MED12L: variants seen among roughly 807,000 people sequenced by gnomAD.
MED12L encodes mediator of RNA polymerase II transcription subunit 12-like protein.
Under a neutral mutation model 281.3 loss-of-function variants are expected in MED12L, and 60 were observed. The observed-to-expected ratio is 0.21, with a 90% CI of 0.17 to 0.26. The LOEUF (loss-of-function observed/expected upper bound fraction) is 0.26, where lower values mean the gene tolerates loss of function less well. Ranked by LOEUF, MED12L falls within the 10% of genes least tolerant of loss-of-function variation. The pLI is 1.00. For synonymous variants in MED12L, 974 were observed against 987.2 expected (o/e 0.99, Z 0.25); for missense variants, 2,146 against 2,680.9 (o/e 0.80, Z 4.41).
intron 16 of MED12L, among the ~76,000 whole-genome samples, chr3:151,257,214 T>G (rs1358919412): frequency 2.6e-5 from 4 of 152,268 alleles, no homozygotes; most frequent in African/African-American, 9.6e-5. Flanking sequence ...TCTGTACCAC[T>G]TATTCTTCAG....
Position 151,122,842 on chromosome 3 carries a change from C to G in MED12L, c.264C>G (p.Asp88Glu), listed in dbSNP as rs202153014. 6.2e-6 allele frequency: 10 copies of G among 1,611,936 alleles called. No homozygotes were observed. The highest frequency in any genetic ancestry group is 1.1e-5 in the South Asian group (1 of 90,634). Residue 88 changes from aspartate to glutamate, a missense_variant, in exon 4 of 45, where the codon GAC (aspartate) becomes GAG (glutamate). Physicochemically the swap from Asp to Glu is conservative, Grantham distance 45. Coordinates refer to ENST00000687756, the MANE Select transcript of MED12L (RefSeq NM_001393769.1). ...AACTGAAGCTTAACACTTTCCAGGA[C>G]ACGGGAAAGAAGAAACCACAAGTTA... Reference protein sequence around the residue: ...AEKLKLNTFQDTGKKKPQVNA... With the variant: ...AEKLKLNTFQETGKKKPQVNA...
intron 5 of MED12L, among the ~76,000 whole-genome samples, chr3:151,144,480 A>G (rs1717497346): frequency 6.6e-6 from 1 of 151,822 alleles, no homozygotes; most frequent in Non-Finnish European, 1.5e-5. Context: ...CTCTTGTCAG[A>G]CCCTCCCTTG....
At chr3:151,294,497 T>C in intron 16 of MED12L, 1 of 1,614,226 alleles carries the variant, frequency 6.2e-7, no homozygotes, top group Non-Finnish European at 8.5e-7. Context: ...GCTCTGGTTA[T>C]GTTTTCGCTT....
intron 32 of MED12L, among the ~76,000 whole-genome samples, chr3:151,381,402 GA>G: frequency 6.6e-6 from 1 of 152,306 alleles, no homozygotes; most frequent in East Asian, 1.9e-4. Context: ...GATAAGGCCA[GA>G]CATGATTTGA....
At chr3:151,145,393 A>G (rs576689396) in intron 5 of MED12L, among the ~76,000 whole-genome samples, 2 of 152,312 alleles carry the variant, frequency 1.3e-5, no homozygotes, top group African/African-American at 4.8e-5. Context: ...TGCATCCCAC[A>G]TATGGTAATG....
chr3:151,214,298 T>TGGAG, intron 16 of MED12L: 1 of 1,613,464 alleles, frequency 6.2e-7, no homozygotes. Context: ...GGAGGCTGTG[T>TGGAG]GGAGGTTGAA....
intron 16 of MED12L, among the ~76,000 whole-genome samples, chr3:151,287,139 TC>T (rs1000711807): frequency 2.0e-5 from 3 of 152,224 alleles, no homozygotes; most frequent in African/African-American, 7.2e-5. Context: ...AAATAATCAG[TC>T]AATGTTAAAA....
Position 151,434,366 on chromosome 3 carries a change from C to T in MED12L, c.*1562C>T, listed in dbSNP as rs1719858838. 1 of 152,170 alleles carries T rather than the reference C, an allele frequency of 6.6e-6. No individual in the cohort carries two copies. Among genetic ancestry groups the T allele is most frequent in the African/African-American group, 2.4e-5 (1 of 41,430 alleles). The allele number at this position is 152,170 out of a possible 1,614,324, so 9.4% of individuals were successfully genotyped here. A position where few individuals can be genotyped will look rare whatever the true frequency, so the allele number is the denominator to read the frequency against. ...ATGACCTCAAATACATGTCAGCTTA[C>T]TTTGCTGTGGCAACATCCATGTGAA... On this transcript the variant is annotated 3_prime_UTR_variant, in exon 45 of 45. Transcript: ENST00000687756.
rs61745350 is a variant in MED12L at position 151,192,644 on chromosome 3, C to A, written c.2063C>A (p.Ser688Ter). Reference sequence around the variant, plus strand: ...AGTGACTTTAAAACTGACTTTGGTTCGGAATTTCCAGTAGGTTCAATCTTT... The same window carrying A: ...AGTGACTTTAAAACTGACTTTGGTTAGGAATTTCCAGTAGGTTCAATCTTT... ...DKSDFKTDFG[S>*]EFPIFSPMPG... Residue 688 changes from serine to a stop codon, truncating the protein, a stop_gained, in exon 15 of 45, where the codon TCG (serine) becomes TAG (stop). Transcript: ENST00000687756. LOFTEE classifies it high-confidence loss of function. 3 of 1,532,234 alleles carry A rather than the reference C, an allele frequency of 2.0e-6. No homozygotes were observed. The highest frequency in any genetic ancestry group is 2.0e-5 in the Admixed American group (1 of 50,976). The allele number at this position is 1,532,234 out of a possible 1,614,324, so 94.9% of individuals were successfully genotyped here. A position where few individuals can be genotyped will look rare whatever the true frequency, so the allele number is the denominator to read the frequency against.
intron 16 of MED12L, among the ~76,000 whole-genome samples, chr3:151,320,175 A>C (rs540253906): frequency 6.6e-6 from 1 of 152,320 alleles, no homozygotes; most frequent in South Asian, 2.1e-4. Flanking sequence ...TGGTAGGCAT[A>C]GTATTTGTGT....
chr3:151,157,370 C>T (rs1031283601), intron 6 of MED12L, among the ~76,000 whole-genome samples: 3 of 151,882 alleles, frequency 2.0e-5, no homozygotes, highest in Non-Finnish European at 2.9e-5. Context: ...AATTCATACA[C>T]GTGAAGACAT....
At chr3:151,340,053 G>A (rs1751612351) in intron 16 of MED12L, among the ~76,000 whole-genome samples, 1 of 152,046 alleles carries the variant, frequency 6.6e-6, no homozygotes, top group African/African-American at 2.4e-5. Flanking sequence ...AATTATGGAA[G>A]GAAAACGATT....
rs545353123 is a variant in MED12L, at chr3:151,208,379, C to T, written c.2250+14713C>T. 3.3e-5 allele frequency among the ~76,000 whole-genome samples: 5 copies of T among 152,216 alleles called. No individual in the cohort carries two copies. The South Asian group carries it at 8.3e-4, about 25-fold the overall frequency. ...AAAGCTGCAAGTTAAATGTAGAGAC[C>T]CTTTTAGCTTAGAAAATAGAACATT... On this transcript the variant is annotated intron_variant, in intron 16 of 44. Coordinates refer to ENST00000687756, the MANE Select transcript of MED12L (RefSeq NM_001393769.1).
intron 16 of MED12L, among the ~76,000 whole-genome samples, chr3:151,308,926 C>A (rs1034340526): frequency 2.6e-5 from 4 of 152,140 alleles, no homozygotes; most frequent in Non-Finnish European, 5.9e-5. Context: ...TCAATTTCAT[C>A]ACTTGTCTTC....
chr3:151,177,096 T>C (rs1722143268), intron 11 of MED12L, among the ~76,000 whole-genome samples: 1 of 152,224 alleles, frequency 6.6e-6, no homozygotes, highest in Admixed American at 6.5e-5. Context: ...ATAAAGTCTT[T>C]GGTAATTCAC....
intron 16 of MED12L, among the ~76,000 whole-genome samples, chr3:151,265,162 C>T (rs1739599629): frequency 6.6e-6 from 1 of 152,156 alleles, no homozygotes; most frequent in Admixed American, 6.5e-5. Flanking sequence ...GTATCTGGCA[C>T]AGTGGAAGTA....
chr3:151,409,620 C>T (rs1429722889), intron 40 of MED12L, among the ~76,000 whole-genome samples: 1 of 152,084 alleles, frequency 6.6e-6, no homozygotes, highest in Non-Finnish European at 1.5e-5. Context: ...CCCAGAGTTA[C>T]TTCTTTTATG....
chr3:151,159,823 A>G lies in MED12L; in HGVS notation c.838-9A>G, dbSNP rs747186266. The G allele has an allele frequency of 1.4e-5, 23 of 1,606,680 alleles. No homozygotes were observed. The highest frequency in any genetic ancestry group is 1.7e-4 in the Middle Eastern group (1 of 6,052). Reference sequence around the variant, plus strand: ...CATGACTGAAGTCTGGTGTCCTTCTACTTCTCAGTATTCAGATGAGTTTGT... The same window carrying G: ...CATGACTGAAGTCTGGTGTCCTTCTGCTTCTCAGTATTCAGATGAGTTTGT... On this transcript the variant is annotated splice_polypyrimidine_tract_variant and intron_variant, in intron 7 of 44. Transcript: ENST00000687756.
chr3:151,183,935 A>G (rs1429257939), intron 11 of MED12L, among the ~76,000 whole-genome samples: 3 of 152,206 alleles, frequency 2.0e-5, no homozygotes, highest in Non-Finnish European at 2.9e-5. Flanking sequence ...TTCTAAACCT[A>G]TAAGCATGTG....
Sources: allele counts gnomAD v4.1 joint callset (sites outside exome capture counted in the v4.1 genomes callset), GRCh38; gene constraint gnomAD v4.1.1; transcripts MANE v1.5; gene names NCBI Gene and HGNC (gene_info 2026-07-23, HGNC 2026-07-21).